The following SKAP1 variants were observed in gnomAD, a reference collection of about 807,000 sequenced individuals.
The protein encoded by SKAP1 is src kinase associated phosphoprotein 1, also known as src kinase-associated phosphoprotein 1.
A neutral mutation model predicts 58.5 loss-of-function variants in SKAP1; 44 were observed. The observed-to-expected ratio is 0.75, with a 90% CI of 0.59 to 0.97. The LOEUF (loss-of-function observed/expected upper bound fraction) is 0.97. Among genes scored for constraint, SKAP1 ranks in the 50% least tolerant of loss-of-function variants. The pLI, the probability that SKAP1 is intolerant of heterozygous loss-of-function variation, is 0.00. For missense variants in SKAP1, 390 were observed against 435.2 expected (o/e 0.90, Z 0.92); for synonymous variants, 127 against 149.7 (o/e 0.85, Z 1.11).
At chr17:48,329,577 G>T (rs2066479309) in intron 4 of SKAP1, among the ~76,000 whole-genome samples, 1 of 152,170 alleles carries the variant, frequency 6.6e-6, no homozygotes, top group South Asian at 2.1e-4. Flanking sequence ...CGTGGCGGCA[G>T]GCGCCTGTAA....
chr17:48,316,512 C>T (rs921649731), intron 4 of SKAP1, among the ~76,000 whole-genome samples: 1 of 152,130 alleles, frequency 6.6e-6, no homozygotes, highest in African/African-American at 2.4e-5. Context: ...CTCTCTCTGC[C>T]TTTCAGTCTT....
intron 4 of SKAP1, among the ~76,000 whole-genome samples, chr17:48,266,192 AT>A (rs2065547068): frequency 1.3e-5 from 2 of 152,150 alleles, no homozygotes; most frequent in South Asian, 4.1e-4. Context: ...CAACTGAAGT[AT>A]TTGGCAAAAA....
intron 4 of SKAP1, among the ~76,000 whole-genome samples, chr17:48,295,939 T>A (rs2065964199): frequency 6.6e-6 from 1 of 152,232 alleles, no homozygotes; most frequent in Admixed American, 6.5e-5. Context: ...AAAACATATA[T>A]GCATATACAC....
At chr17:48,324,086 C>T (rs1302245269) in intron 4 of SKAP1, among the ~76,000 whole-genome samples, 1 of 151,976 alleles carries the variant, frequency 6.6e-6, no homozygotes, top group Non-Finnish European at 1.5e-5. Flanking sequence ...TAAAAAGTAA[C>T]ATGTTCAAAC....
intron 2 of SKAP1, among the ~76,000 whole-genome samples, chr17:48,365,361 T>C (rs1419280137): frequency 1.3e-5 from 2 of 152,214 alleles, no homozygotes; most frequent in African/African-American, 4.8e-5. Flanking sequence ...TTATATATGA[T>C]GGTTACCCAA....
chr17:48,200,393 T>G (rs1013870283), intron 4 of SKAP1, among the ~76,000 whole-genome samples: 1 of 151,746 alleles, frequency 6.6e-6, no homozygotes, highest in Non-Finnish European at 1.5e-5. Context: ...TTTTTTTTTT[T>G]GAGTTGGAGT....
chr17:48,242,568 T>C (rs1184368154), intron 4 of SKAP1, among the ~76,000 whole-genome samples: 1 of 152,148 alleles, frequency 6.6e-6, no homozygotes, highest in African/African-American at 2.4e-5. Flanking sequence ...CCATTAACAA[T>C]TTAAACACTC....
intron 2 of SKAP1, among the ~76,000 whole-genome samples, chr17:48,367,577 T>TAA (rs1037705302): frequency 1.9e-5 from 2 of 106,696 alleles, no homozygotes; most frequent in East Asian, 9.8e-4. Context: ...TATATATATA[T>TAA]AATCATACTG....
At chr17:48,156,355 T>C (rs936859313) in intron 11 of SKAP1, 5 of 253,836 alleles carry the variant, frequency 2.0e-5, no homozygotes, top group African/African-American at 9.5e-5. Context: ...AATTCTGCGG[T>C]GGTCGCCGGC....
chr17:48,431,631 G>C (rs991680203), upstream of SKAP1, among the ~76,000 whole-genome samples: 1 of 152,212 alleles, frequency 6.6e-6, no homozygotes, highest in Non-Finnish European at 1.5e-5. Flanking sequence ...CAATTTTTGA[G>C]ATTGGGAATG....
intron 4 of SKAP1, among the ~76,000 whole-genome samples, chr17:48,215,270 C>T (rs1322725750): frequency 6.6e-6 from 1 of 152,104 alleles, no homozygotes; most frequent in Non-Finnish European, 1.5e-5. Flanking sequence ...TTGTTAATGC[C>T]TATGTCTACA....
intron 4 of SKAP1, among the ~76,000 whole-genome samples, chr17:48,302,218 C>A (rs1192481545): frequency 6.6e-6 from 1 of 152,152 alleles, no homozygotes; most frequent in Non-Finnish European, 1.5e-5. Flanking sequence ...GAAAGTGCTT[C>A]AGGTGGCTGA....
intron 4 of SKAP1, among the ~76,000 whole-genome samples, chr17:48,337,630 G>T (rs1334731498): frequency 6.6e-6 from 1 of 152,154 alleles, no homozygotes; most frequent in Admixed American, 6.5e-5. Flanking sequence ...CAATTCAGGG[G>T]CTTAATGCAC....
chr17:48,226,474 A>G (rs2065069666), intron 4 of SKAP1, among the ~76,000 whole-genome samples: 1 of 152,182 alleles, frequency 6.6e-6, no homozygotes, highest in Non-Finnish European at 1.5e-5. Context: ...GAAATTCCCA[A>G]AGTGGAAATA....
In SKAP1 at chr17:48,417,605, C is replaced by T. The variant is rs567417434; in HGVS notation, c.46+12470G>A. 5.3e-5 allele frequency among the ~76,000 whole-genome samples: 8 copies of T among 152,110 alleles called. No individual in the cohort carries two copies. The South Asian group carries it at 1.2e-3, about 24-fold the overall frequency. On this transcript the variant is annotated intron_variant, in intron 1 of 12. Transcript: ENST00000336915. ...ACTAAAAATACAAAAATTAGCTGGGCGTGGTGGCACATGCCTGTAATCCCA... is the reference window on the plus strand; with the variant it reads ...ACTAAAAATACAAAAATTAGCTGGGTGTGGTGGCACATGCCTGTAATCCCA...
chr17:48,391,093 T>A (rs12451412), intron 2 of SKAP1, among the ~76,000 whole-genome samples: 50,725 of 151,662 alleles, frequency 0.33, 9,164 homozygotes, highest in African/African-American at 0.47. Flanking sequence ...ACTAACTAAC[T>A]AACAACAACA....
At chr17:48,265,401 A>C (rs1466840680) in intron 4 of SKAP1, among the ~76,000 whole-genome samples, 6 of 151,956 alleles carry the variant, frequency 3.9e-5, no homozygotes, top group Admixed American at 3.9e-4. Flanking sequence ...GCTACTTGGG[A>C]GGCTGAGGCA....
chr17:48,235,740 T>C (rs1220632774), intron 4 of SKAP1, among the ~76,000 whole-genome samples: 1 of 152,204 alleles, frequency 6.6e-6, no homozygotes, highest in Non-Finnish European at 1.5e-5. Flanking sequence ...ACTTAGCAAG[T>C]GTATGATGCT....
intron 11 of SKAP1, chr17:48,156,508 A>G (rs1598375862): frequency 1.9e-6 from 1 of 525,012 alleles, no homozygotes; most frequent in South Asian, 1.4e-5. Flanking sequence ...GGCTCCGGGG[A>G]GGAAGGGAAG....
Sources: gnomAD v4.1 joint callset for allele counts (sites outside exome capture counted in the v4.1 genomes callset) on GRCh38, gnomAD v4.1.1 for gene constraint, MANE v1.5 for transcripts, NCBI Gene and HGNC (gene_info 2026-07-23, HGNC 2026-07-21) for gene names.